The following PLAC9 variants were observed in gnomAD, a reference collection of about 807,000 sequenced individuals.
PLAC9 encodes placenta associated 9.
A neutral mutation model predicts 11.5 loss-of-function variants in PLAC9; 12 were observed. That is an observed-to-expected ratio of 1.05 (90% CI 0.67 to 1.69). The LOEUF (loss-of-function observed/expected upper bound fraction) is 1.69, where lower values mean the gene tolerates loss of function less well. Among genes scored for constraint, PLAC9 ranks in the 40% most tolerant of loss-of-function variants. The pLI is 0.00. For missense variants in PLAC9, 132 were observed against 130.5 expected (o/e 1.01, Z -0.06); for synonymous variants, 62 against 58.1 (o/e 1.07, Z -0.31).
intron 1 of PLAC9, among the ~76,000 whole-genome samples, chr10:80,141,266 T>TA (rs1845037281): frequency 6.6e-6 from 1 of 152,156 alleles, no homozygotes; most frequent in South Asian, 2.1e-4. Context: ...TCCCTATATT[T>TA]AAAAAATTCA....
chr10:80,144,761 C>T (rs1172484838), intron 3 of PLAC9, 139 bp from the exon 4 acceptor site: 5 of 880,342 alleles, frequency 5.7e-6, no homozygotes, highest in East Asian at 2.7e-5. Flanking sequence ...TTGCACTCTG[C>T]TCTCTCCTTG....
chr10:80,137,757 A>T (rs1043535060), intron 1 of PLAC9, among the ~76,000 whole-genome samples: 1 of 152,112 alleles, frequency 6.6e-6, no homozygotes, highest in Non-Finnish European at 1.5e-5. Context: ...TCTACAAAAA[A>T]TACAAAACGT....
chr10:80,132,660 A>AT, upstream of PLAC9: 1 of 974,584 alleles, frequency 1.0e-6, no homozygotes, highest in South Asian at 1.9e-5. Flanking sequence ...CCGCCCAGGA[A>AT]TTTTGGCTCG....
chr10:80,135,950 C>T (rs971374411), intron 1 of PLAC9, among the ~76,000 whole-genome samples: 1 of 152,166 alleles, frequency 6.6e-6, no homozygotes, highest in Non-Finnish European at 1.5e-5. Flanking sequence ...GAAGATACAG[C>T]GGCACCTTTC....
In PLAC9 at chr10:80,142,166, A is replaced by C. The variant is rs1296503689; in HGVS notation, c.149A>C (p.Asp50Ala). The C allele has an allele frequency of 6.2e-7, 1 of 1,606,496 alleles. No individual in the cohort carries two copies. Reference sequence around the variant, plus strand: ...CACATGGCTGTGCAACGCCGTCTAGATGTCATGGAGGAGGTAACAGGGTGG... The same window carrying C: ...CACATGGCTGTGCAACGCCGTCTAGCTGTCATGGAGGAGGTAACAGGGTGG... ...DRHMAVQRRL[D>A]VMEEMVEKTV... is the part of the protein sequence containing the mutation. The change falls in exon 2 of 4, where the codon GAT (aspartate) becomes GCT (alanine). Residue 50 changes from aspartate (D) to alanine (A), a missense_variant. By Grantham distance (126) the Asp-to-Ala change is moderately radical (BLOSUM62 -2). Coordinates refer to ENST00000372263, the MANE Select transcript of PLAC9 (RefSeq NM_001012973.3).
In PLAC9 at chr10:80,132,870, G is replaced by T. The variant is rs1001544017; in HGVS notation, c.64+44G>T. On this transcript the variant is annotated intron_variant, in intron 1 of 3. Transcript: ENST00000372263. ...GCGGCAGGGGACCTGGAGCCGGGGAGACCCGCAGATGGCGAGGAAGGAATG... is the reference window on the plus strand; with the variant it reads ...GCGGCAGGGGACCTGGAGCCGGGGATACCCGCAGATGGCGAGGAAGGAATG... The T allele has an allele frequency of 2.2e-5, 31 of 1,439,492 alleles. No individual in the cohort carries two copies. The African/African-American group carries it at 2.7e-4, about 12-fold the overall frequency. The allele number at this position is 1,439,492 out of a possible 1,614,324, so 89.2% of individuals were successfully genotyped here. A position where few individuals can be genotyped will look rare whatever the true frequency, so the allele number is the denominator to read the frequency against.
intron 1 of PLAC9, 78 bp from the exon 2 acceptor site, chr10:80,142,004 T>G: frequency 1.0e-5 from 13 of 1,239,146 alleles, no homozygotes; most frequent in Middle Eastern, 2.0e-4. Context: ...TGACCTCATT[T>G]GAGCCCAGTG....
chr10:80,138,182 T>G (rs796302065), intron 1 of PLAC9, among the ~76,000 whole-genome samples: 12 of 152,220 alleles, frequency 7.9e-5, no homozygotes, highest in African/African-American at 2.9e-4. Flanking sequence ...CCCCATTTGC[T>G]CATCACCCAG....
In PLAC9 at chr10:80,145,053, T is replaced by A; in HGVS notation, c.*143T>A. ...GTCTCCTCTGTGTCTGCTGACAGAG[T>A]AACCCGTTTAACTACAGCCTCCTCT... On this transcript the variant is annotated 3_prime_UTR_variant, in exon 4 of 4. Coordinates refer to ENST00000372263, the MANE Select transcript of PLAC9 (RefSeq NM_001012973.3). The A allele has an allele frequency of 1.9e-6, 2 of 1,040,052 alleles. No individual in the cohort carries two copies. The highest frequency in any genetic ancestry group is 2.9e-6 in the Non-Finnish European group (2 of 686,552). 64.4% of individuals were successfully genotyped at this position (1,040,052 alleles called of 1,614,324 possible).
intron 1 of PLAC9, among the ~76,000 whole-genome samples, chr10:80,136,347 G>T (rs1012694170): frequency 7.9e-5 from 12 of 152,212 alleles, no homozygotes; most frequent in African/African-American, 2.9e-4. Context: ...AAGGAAGGGA[G>T]CCCTGAGGAG....
At chr10:80,137,513 A>T (rs1356635671) in intron 1 of PLAC9, among the ~76,000 whole-genome samples, 1 of 152,178 alleles carries the variant, frequency 6.6e-6, no homozygotes, top group Non-Finnish European at 1.5e-5. Context: ...TCATGACAAC[A>T]GGCCCTCCCC....
intron 1 of PLAC9, among the ~76,000 whole-genome samples, chr10:80,134,422 C>A (rs1454876201): frequency 6.6e-6 from 1 of 152,026 alleles, no homozygotes; most frequent in Non-Finnish European, 1.5e-5. Context: ...CACCACCACA[C>A]CTGACTAATT....
At chr10:80,143,147 T>G (rs1291713715) in intron 2 of PLAC9, among the ~76,000 whole-genome samples, 1 of 152,044 alleles carries the variant, frequency 6.6e-6, no homozygotes, top group African/African-American at 2.4e-5. Flanking sequence ...CCAGTGATTC[T>G]CATGCCTCAA....
At chr10:80,138,608 G>C (rs1381747664) in intron 1 of PLAC9, among the ~76,000 whole-genome samples, 1 of 152,214 alleles carries the variant, frequency 6.6e-6, no homozygotes, top group African/African-American at 2.4e-5. Context: ...TCACAGGGCA[G>C]GGGGTCCCCA....
intron 1 of PLAC9, among the ~76,000 whole-genome samples, chr10:80,133,398 A>T (rs1256239646): frequency 6.6e-6 from 1 of 152,230 alleles, no homozygotes; most frequent in Non-Finnish European, 1.5e-5. Flanking sequence ...TTTATAGGAC[A>T]TTGCATAAGA....
intron 1 of PLAC9, 143 bp from the exon 2 acceptor site, chr10:80,141,939 A>C: frequency 2.0e-6 from 1 of 491,306 alleles, no homozygotes; most frequent in Non-Finnish European, 3.6e-6. Flanking sequence ...TGACACTCGC[A>C]CACTGACCCC....
chr10:80,144,923 G>C lies in PLAC9; in HGVS notation c.*13G>C. 5.7e-6 allele frequency: 9 copies of C among 1,571,750 alleles called. No homozygotes were observed. Among genetic ancestry groups the C allele is most frequent in the Non-Finnish European group, 6.9e-6 (8 of 1,157,756 alleles). ...AGATGGCTTCTGAGCCCTGGAGCTGGAGCCCAGCAGTTGGAGGTGGTGCAC... is the reference window on the plus strand; with the variant it reads ...AGATGGCTTCTGAGCCCTGGAGCTGCAGCCCAGCAGTTGGAGGTGGTGCAC... On this transcript the variant is annotated 3_prime_UTR_variant, in exon 4 of 4. Coordinates refer to ENST00000372263, the MANE Select transcript of PLAC9 (RefSeq NM_001012973.3).
rs187622397 is a variant in PLAC9 at position 80,136,421 on chromosome 10, T to G, written c.64+3595T>G. Among the ~76,000 whole-genome samples the G allele has an allele frequency of 8.5e-5, 13 of 152,328 alleles. No individual in the cohort carries two copies. The East Asian group carries it at 2.5e-3, about 29-fold the overall frequency. On this transcript the variant is annotated intron_variant, in intron 1 of 3. Transcript: ENST00000372263. Reference sequence around the variant, plus strand: ...TTCAGTCTTTTCCACTCCCCTTGTCTGAGCCACTGACAGCCCTGTGGTGCA... The same window carrying G: ...TTCAGTCTTTTCCACTCCCCTTGTCGGAGCCACTGACAGCCCTGTGGTGCA...
intron 1 of PLAC9, among the ~76,000 whole-genome samples, chr10:80,141,513 C>A (rs903018163): frequency 1.3e-5 from 2 of 152,124 alleles, no homozygotes; most frequent in African/African-American, 4.8e-5. Flanking sequence ...GCAGGAGAAT[C>A]GCTTGAACCC....
Sources: gnomAD v4.1 joint callset for allele counts (sites outside exome capture counted in the v4.1 genomes callset) on GRCh38, gnomAD v4.1.1 for gene constraint, MANE v1.5 for transcripts, NCBI Gene and HGNC (gene_info 2026-07-23, HGNC 2026-07-21) for gene names.